The following FARS2 variants were observed in gnomAD, a reference collection of about 807,000 sequenced individuals.
FARS2 encodes phenylalanyl-tRNA synthetase 2, mitochondrial, also known as phenylalanine--tRNA ligase, mitochondrial.
A neutral mutation model predicts 46.4 loss-of-function variants in FARS2; 40 were observed. The observed-to-expected ratio is 0.86, with a 90% CI of 0.67 to 1.12. The LOEUF is 1.12. Among genes scored for constraint, FARS2 ranks in the 50% most tolerant of loss-of-function variants. FARS2 has a pLI of 0.00. For missense variants in FARS2, 513 were observed against 567.9 expected, an observed-to-expected ratio of 0.90 and a Z score of 0.98; for synonymous variants, 234 against 214.9, an observed-to-expected ratio of 1.09 and a Z score of -0.78.
intron 4 of FARS2, among the ~76,000 whole-genome samples, chr6:5,532,771 T>TAAGAAGAAGAAGAAG (rs1193448089): frequency 1.2e-4 from 16 of 138,474 alleles, no homozygotes; most frequent in African/African-American, 5.1e-4. Flanking sequence ...GTAGTAATAA[T>TAAGAAGAAGAAGAAG]AATAATAATA....
At chr6:5,416,227 A>G (rs750727180) in intron 3 of FARS2, among the ~76,000 whole-genome samples, 4 of 152,202 alleles carry the variant, frequency 2.6e-5, no homozygotes, top group Non-Finnish European at 5.9e-5. Context: ...CAAGGTCACA[A>G]AGATTTTTCT....
At chr6:5,368,026 A>C (rs544338307) in intron 1 of FARS2, among the ~76,000 whole-genome samples, 7 of 152,338 alleles carry the variant, frequency 4.6e-5, no homozygotes, top group Admixed American at 4.6e-4. Flanking sequence ...TCAAAGATAA[A>C]GAGAACTCTG....
intron 4 of FARS2, among the ~76,000 whole-genome samples, chr6:5,516,541 C>T (rs17140735): frequency 0.12 from 18,015 of 152,200 alleles, 1,143 homozygotes; most frequent in Admixed American, 0.16. Flanking sequence ...TTTCTGATTA[C>T]GGTGCTATTC....
In FARS2 at chr6:5,679,779, C is replaced by T. The variant is rs371027923; in HGVS notation, c.1217+66459C>T. On this transcript the variant is annotated intron_variant, in intron 6 of 6. Coordinates refer to ENST00000274680, the MANE Select transcript of FARS2 (RefSeq NM_006567.5). The stretch of plus-strand genomic sequence containing the variant: ...AAGCTTCTATCCTTTCCTGGTTTTT[C>T]CTGAGTGCCTGGTCCTCCCAAAACT... 2.0e-3 allele frequency among the ~76,000 whole-genome samples: 297 copies of T among 152,066 alleles called. 2 individuals carry two copies. Among genetic ancestry groups the T allele is most frequent in the African/African-American group, 6.9e-3 (284 of 41,444 alleles).
rs976047837 is a variant in FARS2 at position 5,766,975 on chromosome 6, A to G, written c.1218-4316A>G. 5.3e-5 allele frequency among the ~76,000 whole-genome samples: 8 copies of G among 151,642 alleles called. No homozygotes were observed. The East Asian group carries it at 1.2e-3, about 22-fold the overall frequency. ...TTCATCCACATTCCATCTAGTATCC[A>G]TCCATGTATCAGTACTTCATTCCTT... On this transcript the variant is annotated intron_variant, in intron 6 of 6. Transcript: ENST00000274680.
At chr6:5,324,635 T>A (rs1421580335) in intron 1 of FARS2, among the ~76,000 whole-genome samples, 1 of 152,074 alleles carries the variant, frequency 6.6e-6, no homozygotes, top group East Asian at 1.9e-4. Flanking sequence ...AAATTTCCAT[T>A]TACCAATGTA....
At chr6:5,385,511 TC>T (rs1449864029) in intron 2 of FARS2, among the ~76,000 whole-genome samples, 1 of 151,196 alleles carries the variant, frequency 6.6e-6, no homozygotes, top group African/African-American at 2.4e-5. Flanking sequence ...AACCTCCACC[TC>T]CCAGGTTCAA....
chr6:5,368,612 C>G lies in FARS2; in HGVS notation c.42C>G (p.Val14=). 6.2e-7 allele frequency: 1 copy of G among 1,613,960 alleles called. No individual in the cohort carries two copies. Among genetic ancestry groups the G allele is most frequent in the Non-Finnish European group, 8.5e-7 (1 of 1,179,908 alleles). ...SALRRGAHAY[V]YLVSKASHIS... ...TCAGGAGAGGTGCCCATGCATATGT[C>G]TACCTGGTGAGTAAGGCCAGTCACA... Residue 14 remains valine, a synonymous_variant, in exon 2 of 7, where the codon GTC becomes GTG. Coordinates refer to ENST00000274680, the MANE Select transcript of FARS2 (RefSeq NM_006567.5).
chr6:5,563,673 C>T (rs970852658), intron 5 of FARS2, among the ~76,000 whole-genome samples: 1 of 152,082 alleles, frequency 6.6e-6, no homozygotes. Context: ...AATGGCATGT[C>T]CATGTGTGTG....
At chr6:5,459,432 A>G (rs1218829080) in intron 4 of FARS2, among the ~76,000 whole-genome samples, 1 of 151,518 alleles carries the variant, frequency 6.6e-6, no homozygotes, top group Non-Finnish European at 1.5e-5. Context: ...ATTTTCTTAT[A>G]TTATTCTGGC....
Position 5,387,322 on chromosome 6 carries a change from G to A in FARS2, c.613-17220G>A, listed in dbSNP as rs1456200874. ...AACACCTGCCGCCTGACCAGGGGAAGGCACCCTTTTCCTGTTGTTACAAAG... is the reference window on the plus strand; with the variant it reads ...AACACCTGCCGCCTGACCAGGGGAAAGCACCCTTTTCCTGTTGTTACAAAG... On this transcript the variant is annotated intron_variant, in intron 2 of 6. Coordinates refer to ENST00000274680, the MANE Select transcript of FARS2 (RefSeq NM_006567.5). Among the ~76,000 whole-genome samples, 3 of 152,184 alleles carry A rather than the reference G, an allele frequency of 2.0e-5. No homozygotes were observed. The East Asian group carries it at 5.8e-4, about 29-fold the overall frequency.
At chr6:5,335,863 A>T (rs1472788428) in intron 1 of FARS2, among the ~76,000 whole-genome samples, 1 of 152,194 alleles carries the variant, frequency 6.6e-6, no homozygotes, top group Non-Finnish European at 1.5e-5. Flanking sequence ...AAGTAGCAGG[A>T]CGATATGTGT....
At chr6:5,674,343 T>C (rs569459147) in intron 6 of FARS2, among the ~76,000 whole-genome samples, 1 of 152,228 alleles carries the variant, frequency 6.6e-6, no homozygotes, top group South Asian at 2.1e-4. Flanking sequence ...GCCAACTTTC[T>C]TCATTTATTG....
At chr6:5,261,051 G>A (rs1765077264), upstream of FARS2, 3 of 760,530 alleles carry the variant, frequency 3.9e-6, no homozygotes, top group Non-Finnish European at 1.7e-6. Context: ...TCCACGCGGC[G>A]GGAGGGCGGG....
chr6:5,654,850 C>G (rs1777534892), intron 6 of FARS2, among the ~76,000 whole-genome samples: 1 of 152,188 alleles, frequency 6.6e-6, no homozygotes, highest in Admixed American at 6.5e-5. Flanking sequence ...TCCTCCTCCT[C>G]CTCCTTCTCA....
chr6:5,628,412 G>C (rs548818249), intron 6 of FARS2, among the ~76,000 whole-genome samples: 1 of 152,332 alleles, frequency 6.6e-6, no homozygotes, highest in East Asian at 1.9e-4. Context: ...GTGGACCTCT[G>C]ACCCGGGCTG....
At chr6:5,529,849 A>T (rs555703704) in intron 4 of FARS2, among the ~76,000 whole-genome samples, 1 of 152,128 alleles carries the variant, frequency 6.6e-6, no homozygotes, top group South Asian at 2.1e-4. Flanking sequence ...TGCTCTCTTG[A>T]TGCAATTAGA....
At chr6:5,280,987 G>C (rs1172091050) in intron 1 of FARS2, among the ~76,000 whole-genome samples, 6 of 152,090 alleles carry the variant, frequency 3.9e-5, no homozygotes, top group African/African-American at 1.4e-4. Flanking sequence ...TATTCTGTCA[G>C]ATTGGCTGGA....
chr6:5,518,208 T>A (rs1368400825), intron 4 of FARS2, among the ~76,000 whole-genome samples: 3 of 152,164 alleles, frequency 2.0e-5, no homozygotes, highest in African/African-American at 4.8e-5. Flanking sequence ...ATAAGGGCAG[T>A]GGCTATAACT....
Sources: allele counts gnomAD v4.1 joint callset (sites outside exome capture counted in the v4.1 genomes callset), GRCh38; gene constraint gnomAD v4.1.1; transcripts MANE v1.5; gene names NCBI Gene and HGNC (gene_info 2026-07-23, HGNC 2026-07-21).